The following PPFIA2 variants were observed in gnomAD, a reference collection of about 807,000 sequenced individuals.
PPFIA2 encodes the protein liprin-alpha-2.
Under a neutral mutation model 175.5 loss-of-function variants are expected in PPFIA2, and 46 were observed. That is an observed-to-expected ratio of 0.26 (90% CI 0.21 to 0.34). The LOEUF (loss-of-function observed/expected upper bound fraction) is 0.34. PPFIA2 is among the 10% of genes least tolerant of loss of function. The pLI, the probability that PPFIA2 is intolerant of heterozygous loss-of-function variation, is 1.00. For synonymous variants in PPFIA2, 568 were observed against 511.4 expected, an observed-to-expected ratio of 1.11 and a Z score of -1.49; for missense variants, 1,179 against 1,506.1, an observed-to-expected ratio of 0.78 and a Z score of 3.60.
At chr12:81,462,108 A>T (rs952293264) in intron 4 of PPFIA2, among the ~76,000 whole-genome samples, 1 of 151,482 alleles carries the variant, frequency 6.6e-6, no homozygotes, top group Non-Finnish European at 1.5e-5. Flanking sequence ...GGTTTTTTTT[A>T]AATTTTTCTA....
chr12:81,754,848 T>C (rs1000674195), intron 2 of PPFIA2, among the ~76,000 whole-genome samples: 1 of 152,182 alleles, frequency 6.6e-6, no homozygotes, highest in African/African-American at 2.4e-5. Context: ...TGACATTACA[T>C]TTTCCATTTT....
chr12:81,639,693 TAAAC>T (rs1466651016), intron 4 of PPFIA2, among the ~76,000 whole-genome samples: 2 of 152,298 alleles, frequency 1.3e-5, no homozygotes, highest in South Asian at 2.1e-4. Context: ...TCTTAATTGA[TAAAC>T]AATATCATCT....
chr12:81,581,377 G>A (rs73362520), intron 4 of PPFIA2, among the ~76,000 whole-genome samples: 1,692 of 151,704 alleles, frequency 0.011, 51 homozygotes, highest in East Asian at 0.095. Context: ...ATCTAGTGAT[G>A]GATGACATTG....
At chr12:81,445,751 T>C (rs1382537684) in intron 5 of PPFIA2, 31 bp from the exon 6 acceptor site, 1 of 1,594,606 alleles carries the variant, frequency 6.3e-7, no homozygotes. Flanking sequence ...TGCAATTATC[T>C]TATGAATACA....
intron 24 of PPFIA2, 50 bp downstream of exon 24, chr12:81,294,785 A>T (rs748164181): frequency 6.4e-7 from 1 of 1,563,524 alleles, no homozygotes; most frequent in East Asian, 2.3e-5. Context: ...ACTTAGACAC[A>T]CGGCTATTTG....
intron 16 of PPFIA2, among the ~76,000 whole-genome samples, chr12:81,355,582 G>A (rs2060745250): frequency 1.3e-5 from 2 of 152,152 alleles, no homozygotes; most frequent in Admixed American, 1.3e-4. Flanking sequence ...AAAACCCATC[G>A]TTTAGTGTAG....
At chr12:81,480,234 C>T (rs1324733569) in intron 4 of PPFIA2, among the ~76,000 whole-genome samples, 1 of 151,918 alleles carries the variant, frequency 6.6e-6, no homozygotes, top group East Asian at 1.9e-4. Context: ...TCATGAAGTA[C>T]TCGTGTTGTG....
chr12:81,295,821 T>C (rs982446315), intron 23 of PPFIA2, among the ~76,000 whole-genome samples: 1 of 151,364 alleles, frequency 6.6e-6, no homozygotes, highest in African/African-American at 2.4e-5. Context: ...TGAAACATCA[T>C]AATACTAAAA....
At chr12:81,470,721 T>C (rs1300719386) in intron 4 of PPFIA2, among the ~76,000 whole-genome samples, 2 of 152,206 alleles carry the variant, frequency 1.3e-5, no homozygotes, top group African/African-American at 4.8e-5. Context: ...TTTTTTGTTG[T>C]TTTATTTCAT....
At chr12:81,284,785 AT>A (rs907209801) in intron 24 of PPFIA2, among the ~76,000 whole-genome samples, 57 of 152,316 alleles carry the variant, frequency 3.7e-4, no homozygotes, top group African/African-American at 1.3e-3. Flanking sequence ...ATGGTTGTCA[AT>A]ATAAAGCGGG....
chr12:81,523,247 G>T (rs1049454456), intron 4 of PPFIA2, among the ~76,000 whole-genome samples: 1 of 152,118 alleles, frequency 6.6e-6, no homozygotes. Flanking sequence ...CATATACTAG[G>T]CACAGGAGTT....
intron 8 of PPFIA2, among the ~76,000 whole-genome samples, chr12:81,405,185 G>A (rs771834701): frequency 6.6e-6 from 1 of 152,092 alleles, no homozygotes; most frequent in Non-Finnish European, 1.5e-5. Flanking sequence ...CACCCAAAAG[G>A]AGAATCATTC....
chr12:81,272,484 A>C (rs1165533402), intron 28 of PPFIA2, among the ~76,000 whole-genome samples: 1 of 152,124 alleles, frequency 6.6e-6, no homozygotes, highest in Non-Finnish European at 1.5e-5. Context: ...TCTCAATTTA[A>C]GTCTTTATAC....
chr12:81,691,111 T>G (rs909651655), intron 3 of PPFIA2, among the ~76,000 whole-genome samples: 1 of 152,148 alleles, frequency 6.6e-6, no homozygotes, highest in Admixed American at 6.6e-5. Flanking sequence ...GGGTTCCTTA[T>G]GCAGCCTACC....
intron 3 of PPFIA2, among the ~76,000 whole-genome samples, chr12:81,746,884 G>A (rs2083131104): frequency 7.0e-6 from 1 of 143,576 alleles, no homozygotes; most frequent in Non-Finnish European, 1.6e-5. Flanking sequence ...AGCCTAGAAA[G>A]GGAATGTTTA....
At chr12:81,467,580 T>A (rs751595076) in intron 4 of PPFIA2, among the ~76,000 whole-genome samples, 8 of 152,112 alleles carry the variant, frequency 5.3e-5, no homozygotes, top group African/African-American at 9.7e-5. Flanking sequence ...TAGAACATGT[T>A]ACATTATTTG....
intron 21 of PPFIA2, among the ~76,000 whole-genome samples, chr12:81,329,692 G>A (rs758941668): frequency 3.9e-5 from 6 of 152,200 alleles, no homozygotes; most frequent in Non-Finnish European, 7.3e-5. Flanking sequence ...GCATCTGGTC[G>A]AGTGCATGCG....
At chr12:81,659,428 G>A (rs116050705) in intron 4 of PPFIA2, among the ~76,000 whole-genome samples, 109 of 152,296 alleles carry the variant, frequency 7.2e-4, no homozygotes, top group African/African-American at 2.5e-3. Flanking sequence ...GGCTCGAAGG[G>A]TTCTACGCCC....
chr12:81,500,480 T>C (rs1363864700), intron 4 of PPFIA2, among the ~76,000 whole-genome samples: 1 of 152,212 alleles, frequency 6.6e-6, no homozygotes, highest in Non-Finnish European at 1.5e-5. Flanking sequence ...TTGGAGAGTT[T>C]CCAGAGCAAA....
Sources: allele counts gnomAD v4.1 joint callset (sites outside exome capture counted in the v4.1 genomes callset), GRCh38; gene constraint gnomAD v4.1.1; transcripts MANE v1.5; gene names NCBI Gene and HGNC (gene_info 2026-07-23, HGNC 2026-07-21).